FUZ: variants seen among roughly 807,000 people sequenced by gnomAD.
The protein encoded by FUZ is fuzzy planar cell polarity protein.
Under a neutral mutation model 43.1 loss-of-function variants are expected in FUZ, and 31 were observed. That is an observed-to-expected ratio of 0.72 (90% CI 0.54 to 0.97). The LOEUF is 0.97. FUZ is among the 50% of genes least tolerant of loss of function. The pLI, the probability that FUZ is intolerant of heterozygous loss-of-function variation, is 0.00. For synonymous variants in FUZ, 274 were observed against 250.0 expected, an observed-to-expected ratio of 1.10 and a Z score of -0.91; for missense variants, 539 against 543.8, an observed-to-expected ratio of 0.99 and a Z score of 0.09.
Position 49,807,020 on chromosome 19 carries a change from T to TCG in FUZ, c.*130_*131insCG. On this transcript the variant is annotated 3_prime_UTR_variant, in exon 11 of 11. Coordinates refer to ENST00000313777, the MANE Select transcript of FUZ (RefSeq NM_025129.5). Reference sequence around the variant, plus strand: ...AGGGGCCAGGGAAGTGGATGTCTCCTCCCCTCCCACCCCACCCTGTTGTAG... The same window carrying TCG: ...AGGGGCCAGGGAAGTGGATGTCTCCTCGCCCCTCCCACCCCACCCTGTTGTAG... 1.1e-5 allele frequency: 15 copies of TCG among 1,338,444 alleles called. No homozygotes were observed. Among genetic ancestry groups the TCG allele is most frequent in the Non-Finnish European group, 1.4e-5 (14 of 996,806 alleles). The allele number at this position is 1,338,444 out of a possible 1,614,324, so 82.9% of individuals were successfully genotyped here.
At chr19:49,812,449 G>A in intron 2 of FUZ, 114 bp from the exon 3 acceptor site, 1 of 1,308,800 alleles carries the variant, frequency 7.6e-7, no homozygotes, top group Non-Finnish European at 1.1e-6. Context: ...AGACCAACCT[G>A]CCTTTCTTAT....
Position 49,807,346 on chromosome 19 carries a change from ATCT to A in FUZ, c.1059_1061del (p.Glu353del). 1.9e-6 allele frequency: 3 copies of A among 1,613,410 alleles called. No individual in the cohort carries two copies. Among genetic ancestry groups the A allele is most frequent in the Non-Finnish European group, 2.5e-6 (3 of 1,179,880 alleles). ...TGGGCAGCTGGGCCTGGTAGACCTC[ATCT>A]TCTGTCTTCTCTGGTGGCCCTGGCT... On this transcript the variant is annotated inframe_deletion, in exon 11 of 11. Coordinates refer to ENST00000313777, the MANE Select transcript of FUZ (RefSeq NM_025129.5).
Position 49,807,037 on chromosome 19 carries a change from C to CCCGG in FUZ, c.*113_*114insCCGG. 2 of 1,529,416 alleles carry CCCGG rather than the reference C, an allele frequency of 1.3e-6. No individual in the cohort carries two copies. The highest frequency in any genetic ancestry group is 1.8e-6 in the Non-Finnish European group (2 of 1,140,340). The allele number at this position is 1,529,416 out of a possible 1,614,324, so 94.7% of individuals were successfully genotyped here. A position where few individuals can be genotyped will look rare whatever the true frequency, so the allele number is the denominator to read the frequency against. On this transcript the variant is annotated 3_prime_UTR_variant, in exon 11 of 11. Coordinates refer to ENST00000313777, the MANE Select transcript of FUZ (RefSeq NM_025129.5). Reference sequence around the variant, plus strand: ...ATGTCTCCTCCCCTCCCACCCCACCCTGTTGTAGCCCCTCCTACCCCCTCC... The same window carrying CCCGG: ...ATGTCTCCTCCCCTCCCACCCCACCCCCGGTGTTGTAGCCCCTCCTACCCCCTCC...
At chr19:49,808,873 CG>C in intron 7 of FUZ, 50 bp from the exon 8 acceptor site, 1 of 631,412 alleles carries the variant, frequency 1.6e-6, no homozygotes, top group African/African-American at 2.6e-5. Context: ...GCGGGGCCGG[CG>C]GGGGAGGTCG....
intron 10 of FUZ, chr19:49,808,131 A>G: frequency 2.2e-6 from 1 of 456,048 alleles, no homozygotes; most frequent in Non-Finnish European, 4.1e-6. Context: ...GGATGAAGTG[A>G]TTTCATTCTT....
chr19:49,808,771 G>T lies in FUZ; in HGVS notation c.839C>A (p.Pro280Gln). Residue 280 changes from proline to glutamine, a missense_variant, in exon 8 of 11, where the codon CCG becomes CAG. Coordinates refer to ENST00000313777, the MANE Select transcript of FUZ (RefSeq NM_025129.5). ...ACTGGGCAGCGCCCGGGGTCCCAACGGCAGACAGGCCCGCAACGGGTCCAG... is the reference window on the plus strand; with the variant it reads ...ACTGGGCAGCGCCCGGGGTCCCAACTGCAGACAGGCCCGCAACGGGTCCAG... ...PLLDPLRACL[P>Q]LGPRALPSGF... 6.4e-7 allele frequency: 1 copy of T among 1,569,298 alleles called. No individual in the cohort carries two copies. The highest frequency in any genetic ancestry group is 8.6e-7 in the Non-Finnish European group (1 of 1,157,104).
intron 3 of FUZ, 84 bp from the exon 4 acceptor site, chr19:49,811,783 A>G: frequency 8.8e-7 from 1 of 1,141,610 alleles, no homozygotes; most frequent in East Asian, 2.3e-5. Context: ...TGGGACTCCC[A>G]CTTCTGGGTC....
In FUZ at chr19:49,813,033, C is replaced by A. The variant is rs1425251609; in HGVS notation, c.74G>T (p.Cys25Phe). 4 of 1,551,168 alleles carry A rather than the reference C, an allele frequency of 2.6e-6. No homozygotes were observed. The South Asian group carries it at 4.8e-5, about 18-fold the overall frequency. Residue 25 changes from cysteine to phenylalanine, a missense_variant, in exon 1 of 11, where the codon TGC becomes TTC. By Grantham distance (205) the Cys-to-Phe change is radical. Coordinates refer to ENST00000313777, the MANE Select transcript of FUZ (RefSeq NM_025129.5). Reference sequence around the variant, plus strand: ...GGGGGCGCCGCCGCGACTGCTCCTGCAGAATAGGGGGACCCCGCTGGAGGC... The same window carrying A: ...GGGGGCGCCGCCGCGACTGCTCCTGAAGAATAGGGGGACCCCGCTGGAGGC... ...LAASSGVPLFCRSSRGGAPAR... is the reference protein window; with the variant it reads ...LAASSGVPLFFRSSRGGAPAR...
At position 49,806,899 on chromosome 19, in the gene FUZ, T is replaced by C. The variant is rs1253195975; in HGVS notation, c.*252A>G. On this transcript the variant is annotated 3_prime_UTR_variant, in exon 11 of 11. Transcript: ENST00000313777. ...ATGCCTGGGACTTTCCTCCGGCCTTTTGTATTTTTATTTTTGTTCATCTGC... is the reference window on the plus strand; with the variant it reads ...ATGCCTGGGACTTTCCTCCGGCCTTCTGTATTTTTATTTTTGTTCATCTGC... The C allele has an allele frequency of 5.2e-6, 8 of 1,540,950 alleles. No homozygotes were observed. Among genetic ancestry groups the C allele is most frequent in the Non-Finnish European group, 7.0e-6 (8 of 1,148,372 alleles).
Position 49,807,138 on chromosome 19 carries a change from C to A in FUZ, c.*13G>T. 6.2e-7 allele frequency: 1 copy of A among 1,612,490 alleles called. No homozygotes were observed. The highest frequency in any genetic ancestry group is 1.1e-5 in the South Asian group (1 of 90,932). On this transcript the variant is annotated 3_prime_UTR_variant, in exon 11 of 11. Coordinates refer to ENST00000313777, the MANE Select transcript of FUZ (RefSeq NM_025129.5). ...CAGCCCCATGTCTGTGTCCATCACCCACTGCTAGGTAGTCAAAGAAGTGGG... is the reference window on the plus strand; with the variant it reads ...CAGCCCCATGTCTGTGTCCATCACCAACTGCTAGGTAGTCAAAGAAGTGGG...
Position 49,807,020 on chromosome 19 carries a change from T to TCCCCCCCCCCCCCCC in FUZ, c.*130_*131insGGGGGGGGGGGGGGG. On this transcript the variant is annotated 3_prime_UTR_variant, in exon 11 of 11. Transcript: ENST00000313777. ...AGGGGCCAGGGAAGTGGATGTCTCC[T>TCCCCCCCCCCCCCCC]CCCCTCCCACCCCACCCTGTTGTAG... 3 of 1,338,556 alleles carry TCCCCCCCCCCCCCCC rather than the reference T, an allele frequency of 2.2e-6. No individual in the cohort carries two copies. Among genetic ancestry groups the TCCCCCCCCCCCCCCC allele is most frequent in the Non-Finnish European group, 3.0e-6 (3 of 996,922 alleles). 82.9% of individuals were successfully genotyped at this position (1,338,556 alleles called of 1,614,324 possible).
chr19:49,808,992 A>G, intron 7 of FUZ, 169 bp from the exon 8 acceptor site: 3 of 869,166 alleles, frequency 3.5e-6, no homozygotes, highest in Non-Finnish European at 5.6e-6. Context: ...GCCTGGAAGA[A>G]TAGAGGCAGA....
chr19:49,808,306 A>C, intron 10 of FUZ, 108 bp downstream of exon 10: 1 of 1,127,016 alleles, frequency 8.9e-7, no homozygotes, highest in Non-Finnish European at 1.3e-6. Flanking sequence ...GGCCCAGTGC[A>C]TACTGGGTTC....
chr19:49,809,924 C>G lies in FUZ; in HGVS notation c.493-349G>C. On this transcript the variant is annotated intron_variant, in intron 5 of 10. Coordinates refer to ENST00000313777, the MANE Select transcript of FUZ (RefSeq NM_025129.5). This position sits in a 1 kb window ranked among gnomAD's most constrained non-coding sequence, Gnocchi z 5.1. The stretch of plus-strand genomic sequence containing the variant: ...AAGCCAAGTCACCTGCTGAGAGTCA[C>G]ATGCCTGGGAGGCCGCCACACCAGG... 4.9e-6 allele frequency: 2 copies of G among 410,464 alleles called. No homozygotes were observed. Among genetic ancestry groups the G allele is most frequent in the Non-Finnish European group, 9.1e-6 (2 of 219,844 alleles). 25.4% of individuals were successfully genotyped at this position (410,464 alleles called of 1,614,324 possible).
chr19:49,808,240 C>A (rs2123791237), intron 10 of FUZ, 174 bp downstream of exon 10: 1 of 721,482 alleles, frequency 1.4e-6, no homozygotes, highest in South Asian at 1.6e-5. Context: ...GACCTCCCTT[C>A]CCCTCCCTTC....
At chr19:49,811,299 G>C in intron 5 of FUZ, 64 bp downstream of exon 5, 1 of 1,126,032 alleles carries the variant, frequency 8.9e-7, no homozygotes, top group Non-Finnish European at 1.3e-6. Context: ...CCAGAAGAAA[G>C]AGGATGAGGA....
At chr19:49,808,887 G>A (rs2073584008) in intron 7 of FUZ, 64 bp from the exon 8 acceptor site, 2 of 1,285,858 alleles carry the variant, frequency 1.6e-6, no homozygotes, top group East Asian at 2.5e-5. Flanking sequence ...GGAGGTCGGG[G>A]GGTGTACAAG....
chr19:49,809,755 A>G lies in FUZ; in HGVS notation c.493-180T>C, dbSNP rs78389728. The G allele has an allele frequency of 1.5e-6, 1 of 651,934 alleles. No individual in the cohort carries two copies. The highest frequency in any genetic ancestry group is 2.7e-5 in the East Asian group (1 of 36,598). The allele number at this position is 651,934 out of a possible 1,614,324, so 40.4% of individuals were successfully genotyped here. On this transcript the variant is annotated intron_variant, in intron 5 of 10. Coordinates refer to ENST00000313777, the MANE Select transcript of FUZ (RefSeq NM_025129.5). The surrounding 1 kb of genome is among the most constrained non-coding windows in gnomAD (Gnocchi z 5.1). ...TTCCTTCACTTTCATACGAAGTCAC[A>G]TCCCCAACTCACACTGTGAAGTCTG...
At chr19:49,810,619 C>T (rs954670753) in intron 5 of FUZ, among the ~76,000 whole-genome samples, 3 of 144,514 alleles carry the variant, frequency 2.1e-5, no homozygotes, top group African/African-American at 7.8e-5. Context: ...GCAGAGGTTG[C>T]AGTGAGCCAA....
Sources: allele counts gnomAD v4.1 joint callset (sites outside exome capture counted in the v4.1 genomes callset), GRCh38; gene constraint gnomAD v4.1.1; non-coding constraint Gnocchi (gnomAD v3.1); transcripts MANE v1.5; gene names NCBI Gene and HGNC (gene_info 2026-07-23, HGNC 2026-07-21).